Variants in LRRTM4 observed in about 807,000 individuals in gnomAD.
LRRTM4 encodes leucine rich repeat transmembrane neuronal 4.
Under a neutral mutation model 47.6 loss-of-function variants are expected in LRRTM4, and 25 were observed. The observed-to-expected ratio is 0.53, with a 90% CI of 0.38 to 0.73. LRRTM4 has a LOEUF of 0.73. Ranked by LOEUF, LRRTM4 falls within the 30% of genes least tolerant of loss-of-function variation. LRRTM4 has a pLI of 0.00. For missense variants in LRRTM4, 638 were observed against 713.4 expected (o/e 0.89, Z 1.20); for synonymous variants, 311 against 269.5 (o/e 1.15, Z -1.51).
At chr2:77,064,183 A>G (rs115266860) in intron 3 of LRRTM4, among the ~76,000 whole-genome samples, 185 of 152,260 alleles carry the variant, frequency 1.2e-3, no homozygotes, top group African/African-American at 4.4e-3. Flanking sequence ...GGTTTAACAA[A>G]AAGGATTGGG....
intron 3 of LRRTM4, among the ~76,000 whole-genome samples, chr2:77,285,528 G>A (rs537892100): frequency 1.3e-5 from 2 of 151,642 alleles, no homozygotes; most frequent in African/African-American, 4.8e-5. Context: ...GATCGCCTGA[G>A]GTCAGGAGTT....
chr2:77,230,402 T>C lies in LRRTM4; in HGVS notation c.1551+287916A>G, dbSNP rs144712152. On this transcript the variant is annotated intron_variant, in intron 3 of 3. Transcript: ENST00000409884. ...TAACATCATCAGAGAGAAAAAGATATAGAGATAATGATCTAGTAATGTTCC... is the reference window on the plus strand; with the variant it reads ...TAACATCATCAGAGAGAAAAAGATACAGAGATAATGATCTAGTAATGTTCC... 1.3e-3 allele frequency among the ~76,000 whole-genome samples: 204 copies of C among 152,176 alleles called. 1 individual carries two copies. The highest frequency in any genetic ancestry group is 4.7e-3 in the African/African-American group (196 of 41,538).
In LRRTM4 at chr2:76,956,072, G is replaced by A. The variant is rs529329873; in HGVS notation, c.1552-207156C>T. ...ATAATATTCAACTGTAGGCTGTCTA[G>A]AAGAGACTCATTTTAGATTTAACAA... is the stretch of plus-strand genomic sequence containing the variant. On this transcript the variant is annotated intron_variant, in intron 3 of 3. Transcript: ENST00000409884. Among the ~76,000 whole-genome samples the A allele has an allele frequency of 8.0e-5, 12 of 150,908 alleles. 1 individual carries two copies. In the South Asian group the frequency reaches 2.5e-3, roughly 31 times the overall value.
chr2:77,243,529 C>G (rs1184589262), intron 3 of LRRTM4, among the ~76,000 whole-genome samples: 1 of 148,364 alleles, frequency 6.7e-6, no homozygotes, highest in Non-Finnish European at 1.5e-5. Flanking sequence ...TGGTTTCCGG[C>G]ATCTGGGGGA....
chr2:77,196,890 T>G (rs536925370), intron 3 of LRRTM4, among the ~76,000 whole-genome samples: 13 of 152,336 alleles, frequency 8.5e-5, no homozygotes, highest in African/African-American at 3.1e-4. Context: ...CAGGATGGCC[T>G]AAGAAATAGC....
intron 3 of LRRTM4, among the ~76,000 whole-genome samples, chr2:77,007,394 G>C (rs1365161795): frequency 6.6e-6 from 1 of 152,122 alleles, no homozygotes; most frequent in Non-Finnish European, 1.5e-5. Context: ...TATGAAGATA[G>C]AGTCATGCAT....
chr2:77,138,270 G>A (rs1006173951), intron 3 of LRRTM4, among the ~76,000 whole-genome samples: 3 of 152,210 alleles, frequency 2.0e-5, no homozygotes, highest in Admixed American at 2.0e-4. Flanking sequence ...ATAACAAACT[G>A]TCTCTCAGAC....
At chr2:77,242,438 C>G (rs1222322853) in intron 3 of LRRTM4, among the ~76,000 whole-genome samples, 1 of 152,000 alleles carries the variant, frequency 6.6e-6, no homozygotes, top group Non-Finnish European at 1.5e-5. Flanking sequence ...ACATTCATAT[C>G]TAAAATATAT....
At chr2:76,891,098 G>A (rs1218000011) in intron 3 of LRRTM4, among the ~76,000 whole-genome samples, 1 of 151,826 alleles carries the variant, frequency 6.6e-6, no homozygotes, top group African/African-American at 2.4e-5. Flanking sequence ...TGAAGTGAAA[G>A]GAGGAGAAAA....
chr2:76,820,802 G>A (rs570365677), intron 3 of LRRTM4, among the ~76,000 whole-genome samples: 2 of 151,812 alleles, frequency 1.3e-5, no homozygotes, highest in African/African-American at 4.8e-5. Context: ...AAAAAACTGT[G>A]AATAGTGTTA....
At chr2:76,890,376 T>G (rs2104152722) in intron 3 of LRRTM4, among the ~76,000 whole-genome samples, 1 of 152,146 alleles carries the variant, frequency 6.6e-6, no homozygotes, top group Middle Eastern at 3.4e-3. Context: ...ATCTTAATAA[T>G]CTACTCTACA....
intron 3 of LRRTM4, among the ~76,000 whole-genome samples, chr2:77,183,881 A>G (rs1013821991): frequency 1.3e-5 from 2 of 152,132 alleles, no homozygotes. Context: ...GAATTGAACA[A>G]TGAGAACACA....
At chr2:77,043,416 A>G (rs896075118) in intron 3 of LRRTM4, among the ~76,000 whole-genome samples, 10 of 151,894 alleles carry the variant, frequency 6.6e-5, no homozygotes, top group African/African-American at 2.4e-4. Flanking sequence ...CACAACATAA[A>G]ATATAGCAAC....
At chr2:77,424,929 C>T (rs752858494) in intron 3 of LRRTM4, among the ~76,000 whole-genome samples, 13 of 152,016 alleles carry the variant, frequency 8.6e-5, no homozygotes, top group Non-Finnish European at 1.6e-4. Flanking sequence ...AGGAGGTGAA[C>T]TAGTATATTC....
chr2:77,521,646 G>A, intron 2 of LRRTM4, 22 bp downstream of exon 2: 1 of 1,612,078 alleles, frequency 6.2e-7, no homozygotes, highest in Non-Finnish European at 8.5e-7. Context: ...TGCTCAGAAG[G>A]AAACAACAAA....
At chr2:77,378,132 C>T (rs1672907345) in intron 3 of LRRTM4, among the ~76,000 whole-genome samples, 1 of 151,766 alleles carries the variant, frequency 6.6e-6, no homozygotes, top group Non-Finnish European at 1.5e-5. Flanking sequence ...TACTCTCATT[C>T]AATATTATTT....
chr2:77,260,484 A>G (rs1675891887), intron 3 of LRRTM4, among the ~76,000 whole-genome samples: 1 of 151,868 alleles, frequency 6.6e-6, no homozygotes. Flanking sequence ...GTGGATAACA[A>G]TATTTAGATA....
At chr2:77,484,107 A>T (rs1161545012) in intron 3 of LRRTM4, among the ~76,000 whole-genome samples, 4 of 152,218 alleles carry the variant, frequency 2.6e-5, no homozygotes, top group East Asian at 3.9e-4. Context: ...TTTGAGCCTA[A>T]CTAAAGGGTG....
chr2:76,987,897 G>C (rs6547111), intron 3 of LRRTM4, among the ~76,000 whole-genome samples: 51,550 of 151,560 alleles, frequency 0.34, 9,516 homozygotes, highest in East Asian at 0.55. Flanking sequence ...AAAAAGAAAA[G>C]AGCTGAATAT....
Sources: gnomAD v4.1 joint callset for allele counts (sites outside exome capture counted in the v4.1 genomes callset) on GRCh38, gnomAD v4.1.1 for gene constraint, MANE v1.5 for transcripts, NCBI Gene and HGNC (gene_info 2026-07-23, HGNC 2026-07-21) for gene names.